TES: variants seen among roughly 807,000 people sequenced by gnomAD.
The protein encoded by TES is testin.
TES carries 41 observed loss-of-function variants against 48.2 expected under a neutral mutation model. The ratio of observed to expected loss-of-function variants is 0.85; its 90% CI spans 0.66 to 1.10. The LOEUF is 1.10. Ranked by LOEUF, TES falls within the 50% of genes least tolerant of loss-of-function variation. TES has a pLI of 0.00. For missense variants in TES, 463 were observed against 515.1 expected, an observed-to-expected ratio of 0.90 and a Z score of 0.98; for synonymous variants, 162 against 174.9, an observed-to-expected ratio of 0.93 and a Z score of 0.58.
chr7:116,225,892 T>A (rs1799615547), intron 1 of TES, among the ~76,000 whole-genome samples: 1 of 152,210 alleles, frequency 6.6e-6, no homozygotes, highest in Non-Finnish European at 1.5e-5. Context: ...AGGCACTATT[T>A]ATTGGTTAGG....
chr7:116,245,658 C>T (rs1799913357), intron 2 of TES, among the ~76,000 whole-genome samples: 1 of 152,166 alleles, frequency 6.6e-6, no homozygotes, highest in Non-Finnish European at 1.5e-5. Flanking sequence ...AAAATCACTT[C>T]CACATTTTCA....
intron 2 of TES, among the ~76,000 whole-genome samples, chr7:116,245,754 C>A (rs1184612451): frequency 6.6e-6 from 1 of 152,094 alleles, no homozygotes; most frequent in Non-Finnish European, 1.5e-5. Flanking sequence ...TAAAGACATA[C>A]CTGAGACTGA....
At position 116,234,913 on chromosome 7, in the gene TES, T is replaced by C. The variant is rs1003746199; in HGVS notation, c.113+294T>C. Among the ~76,000 whole-genome samples, 5 of 152,288 alleles carry C rather than the reference T, an allele frequency of 3.3e-5. No homozygotes were observed. In the South Asian group the frequency reaches 1.0e-3, roughly 32 times the overall value. ...TCATCTTTCTGGTGGTAAATAAGTT[T>C]GTGGTAATCCTCCAGGACTGTTTAA... On this transcript the variant is annotated intron_variant, in intron 2 of 6. Transcript: ENST00000358204.
chr7:116,249,078 G>C lies in TES; in HGVS notation c.172G>C (p.Glu58Gln). 1 of 1,613,936 alleles carries C rather than the reference G, an allele frequency of 6.2e-7. No individual in the cohort carries two copies. Among genetic ancestry groups the C allele is most frequent in the South Asian group, 1.1e-5 (1 of 91,060 alleles). ...AGAGCATGATGTCCTCTTGAGCAAT[G>C]AAGAGGATCGAAAAGTGGGAAAACT... ...QEEHDVLLSN[E>Q]EDRKVGKLFE... Residue 58 changes from glutamate (E) to glutamine (Q), a missense_variant, in exon 3 of 7, where the codon GAA (glutamate) becomes CAA (glutamine). Transcript: ENST00000358204.
intron 1 of TES, among the ~76,000 whole-genome samples, chr7:116,223,464 T>C (rs1799581898): frequency 6.6e-6 from 1 of 152,210 alleles, no homozygotes; most frequent in South Asian, 2.1e-4. Context: ...TGGCATAATA[T>C]AAACATTGCG....
chr7:116,227,734 A>T (rs1000361044), intron 1 of TES, among the ~76,000 whole-genome samples: 9 of 152,114 alleles, frequency 5.9e-5, no homozygotes, highest in Non-Finnish European at 1.3e-4. Flanking sequence ...GTGGATAAAC[A>T]TGCATGCACA....
chr7:116,252,934 T>G (rs1188110371), intron 6 of TES, among the ~76,000 whole-genome samples: 1 of 152,206 alleles, frequency 6.6e-6, no homozygotes, highest in East Asian at 1.9e-4. Flanking sequence ...AAACCCTCAT[T>G]GAATTGATTT....
chr7:116,250,289 T>A lies in TES; in HGVS notation c.495T>A (p.His165Gln), dbSNP rs201436569. Reference sequence around the variant, plus strand: ...ATGACCAGGACCCTTCAAAGTGCCATGAGTTGTCTCCCAGAGAGGTGAAGG... The same window carrying A: ...ATGACCAGGACCCTTCAAAGTGCCAAGAGTTGTCTCCCAGAGAGGTGAAGG... ...PAHDQDPSKC[H>Q]ELSPREVKEM... Residue 165 changes from histidine to glutamine, a missense_variant, in exon 4 of 7, where the codon CAT (histidine) becomes CAA (glutamine). Transcript: ENST00000358204. The A allele has an allele frequency of 6.2e-7, 1 of 1,613,862 alleles. No homozygotes were observed. The highest frequency in any genetic ancestry group is 1.1e-5 in the South Asian group (1 of 90,994).
chr7:116,246,946 C>CTTT (rs148032626), intron 2 of TES, among the ~76,000 whole-genome samples: 13,231 of 129,706 alleles, frequency 0.1, 816 homozygotes, highest in South Asian at 0.16. Flanking sequence ...AGACTAGGCC[C>CTTT]CTTTTTTTTT....
At chr7:116,247,256 CTT>C (rs1799939559) in intron 2 of TES, among the ~76,000 whole-genome samples, 1 of 151,946 alleles carries the variant, frequency 6.6e-6, no homozygotes, top group South Asian at 2.1e-4. Flanking sequence ...GGATTATAAT[CTT>C]TGATGGGAAA....
chr7:116,254,287 T>A (rs926578121), intron 6 of TES, among the ~76,000 whole-genome samples: 1 of 151,404 alleles, frequency 6.6e-6, no homozygotes, highest in Non-Finnish European at 1.5e-5. Context: ...AGGTGCTCAA[T>A]AAAAATTTAT....
Position 116,234,533 on chromosome 7 carries a change from G to A in TES, c.28-1G>A. On this transcript the variant is annotated splice_acceptor_variant, in intron 1 of 6. Transcript: ENST00000358204. LOFTEE classifies it high-confidence loss of function. ...GATTCATGATGTTTTCTTTTTAACA[G>A]ATGGGCTTAGGTCACGAGCAAGGAT... is the stretch of plus-strand genomic sequence containing the variant. 1 of 1,612,834 alleles carries A rather than the reference G, an allele frequency of 6.2e-7. No individual in the cohort carries two copies.
Position 116,249,098 on chromosome 7 carries a change from A to T in TES, c.192A>T (p.Gly64=). Residue 64 remains glycine, a synonymous_variant, in exon 3 of 7, where the codon GGA becomes GGT. Coordinates refer to ENST00000358204, the MANE Select transcript of TES (RefSeq NM_015641.4). ...LLSNEEDRKV[G]KLFEDTKYTT... ...GCAATGAAGAGGATCGAAAAGTGGGAAAACTTTTTGAAGACACCAAGTATA... is the reference window on the plus strand; with the variant it reads ...GCAATGAAGAGGATCGAAAAGTGGGTAAACTTTTTGAAGACACCAAGTATA... 3.1e-6 allele frequency: 5 copies of T among 1,614,074 alleles called. No individual in the cohort carries two copies. The highest frequency in any genetic ancestry group is 4.2e-6 in the Non-Finnish European group (5 of 1,179,948).
At chr7:116,253,225 A>G (rs996550170) in intron 6 of TES, among the ~76,000 whole-genome samples, 9 of 152,200 alleles carry the variant, frequency 5.9e-5, no homozygotes, top group Non-Finnish European at 1.2e-4. Flanking sequence ...TGGCTAAGGA[A>G]TGAAATTACA....
intron 1 of TES, 67 bp from the exon 2 acceptor site, chr7:116,234,467 C>T: frequency 1.4e-5 from 20 of 1,382,976 alleles, no homozygotes; most frequent in Non-Finnish European, 2.0e-5. Context: ...ATTAAAAGTG[C>T]AATTTATTGA....
rs1800130736 is a variant in TES, at chr7:116,258,084, T to C, written c.*602T>C. The C allele has an allele frequency of 6.6e-6, 1 of 152,242 alleles. No homozygotes were observed. The highest frequency in any genetic ancestry group is 1.5e-5 in the Non-Finnish European group (1 of 68,060). The allele number at this position is 152,242 out of a possible 1,614,324, so 9.4% of individuals were successfully genotyped here. A position where few individuals can be genotyped will look rare whatever the true frequency, so the allele number is the denominator to read the frequency against. ...ATTGCATTTCTCTATTTTTTTAATG[T>C]ACCCTACCTTCAGTATTCTCTTTGT... On this transcript the variant is annotated 3_prime_UTR_variant, in exon 7 of 7. Coordinates refer to ENST00000358204, the MANE Select transcript of TES (RefSeq NM_015641.4).
rs368927379 is a variant in TES at position 116,249,394 on chromosome 7, A to G, written c.366+122A>G. On this transcript the variant is annotated intron_variant, in intron 3 of 6. Transcript: ENST00000358204. ...GATCTGTTATTCTTCCGGGGTTCTC[A>G]TTACTTTGACTTCTGATTCCTGTTC... 5.0e-6 allele frequency: 6 copies of G among 1,200,654 alleles called. No homozygotes were observed. The African/African-American group carries it at 7.7e-5, about 15-fold the overall frequency. 74.4% of individuals were successfully genotyped at this position (1,200,654 alleles called of 1,614,324 possible). A position where few individuals can be genotyped will look rare whatever the true frequency, so the allele number is the denominator to read the frequency against.
At chr7:116,235,818 T>C (rs996010771) in intron 2 of TES, among the ~76,000 whole-genome samples, 2 of 152,218 alleles carry the variant, frequency 1.3e-5, no homozygotes, top group African/African-American at 4.8e-5. Context: ...TGGAGATGTG[T>C]ACAGTGTAAA....
At chr7:116,216,156 G>T in intron 1 of TES, among the ~76,000 whole-genome samples, 1 of 152,146 alleles carries the variant, frequency 6.6e-6, no homozygotes, top group East Asian at 1.9e-4. Context: ...TAACATGGAA[G>T]CTACTTCCTG....
Sources: gnomAD v4.1 joint callset for allele counts (sites outside exome capture counted in the v4.1 genomes callset) on GRCh38, gnomAD v4.1.1 for gene constraint, MANE v1.5 for transcripts, NCBI Gene and HGNC (gene_info 2026-07-23, HGNC 2026-07-21) for gene names.